BMPER: variants seen among roughly 807,000 people sequenced by gnomAD.
BMPER encodes the protein BMP binding endothelial regulator.
A neutral mutation model predicts 87.3 loss-of-function variants in BMPER; 45 were observed. The ratio of observed to expected loss-of-function variants is 0.52; its 90% CI spans 0.41 to 0.66. The LOEUF (loss-of-function observed/expected upper bound fraction) is 0.66, where lower values mean the gene tolerates loss of function less well. Among genes scored for constraint, BMPER ranks in the 30% least tolerant of loss-of-function variants. BMPER has a pLI of 0.00. For synonymous variants in BMPER, 326 were observed against 316.2 expected (o/e 1.03, Z -0.33); for missense variants, 784 against 867.5 (o/e 0.90, Z 1.21).
At chr7:33,922,735 T>C (rs1196155255) in intron 2 of BMPER, among the ~76,000 whole-genome samples, 1 of 152,140 alleles carries the variant, frequency 6.6e-6, no homozygotes, top group Non-Finnish European at 1.5e-5. Context: ...GTGATCTTGA[T>C]CAAAGGCTCA....
intron 13 of BMPER, among the ~76,000 whole-genome samples, chr7:34,090,618 G>A (rs1214509791): frequency 6.6e-6 from 1 of 152,164 alleles, no homozygotes; most frequent in Non-Finnish European, 1.5e-5. Context: ...GTCAAACTGG[G>A]GAAAGTTTTT....
chr7:34,061,133 T>C (rs1788425954), intron 10 of BMPER, among the ~76,000 whole-genome samples: 1 of 152,258 alleles, frequency 6.6e-6, no homozygotes, highest in African/African-American at 2.4e-5. Flanking sequence ...TATTAAATCC[T>C]TATCACTAAC....
At chr7:33,953,259 C>G (rs895292401) in intron 3 of BMPER, among the ~76,000 whole-genome samples, 7 of 152,198 alleles carry the variant, frequency 4.6e-5, no homozygotes, top group Non-Finnish European at 8.8e-5. Context: ...AAAGCCTGGC[C>G]TGGTTAATAT....
chr7:33,926,889 C>T (rs373799850), intron 2 of BMPER, among the ~76,000 whole-genome samples: 114 of 152,330 alleles, frequency 7.5e-4, no homozygotes, highest in African/African-American at 2.5e-3. Context: ...TTGGTACCAA[C>T]GTAAATATAG....
chr7:34,031,883 CATATATATATATATATATAT>C (rs757962483), intron 6 of BMPER, among the ~76,000 whole-genome samples: 30 of 53,070 alleles, frequency 5.7e-4, no homozygotes, highest in South Asian at 2.5e-3. Context: ...TTAATTTGAC[CATATATATATATATATATAT>C]ATATATATAT....
At chr7:33,956,497 C>G (rs1785150641) in intron 3 of BMPER, among the ~76,000 whole-genome samples, 1 of 152,046 alleles carries the variant, frequency 6.6e-6, no homozygotes, top group African/African-American at 2.4e-5. Flanking sequence ...CTCTGTGAGT[C>G]CACTCACATG....
chr7:34,143,246 A>T lies in BMPER; in HGVS notation c.1762A>T (p.Met588Leu), dbSNP rs1790919686. The change falls in exon 14 of 15, where the codon ATG becomes TTG. Residue 588 changes from methionine (M) to leucine (L), a missense_variant. Physicochemically the swap from Met to Leu is conservative, Grantham distance 15. Transcript: ENST00000649409. Reference sequence around the variant, plus strand: ...GTCCTATAGGTCCTGTGTGACAGACATGTGTGAATGTCCAGTCCATAAAAA... The same window carrying T: ...GTCCTATAGGTCCTGTGTGACAGACTTGTGTGAATGTCCAGTCCATAAAAA... ...ATFYRSCVTD[M>L]CECPVHKNCY... is the part of the protein sequence containing the mutation. The T allele has an allele frequency of 6.2e-7, 1 of 1,613,986 alleles. No individual in the cohort carries two copies. Among genetic ancestry groups the T allele is most frequent in the Non-Finnish European group, 8.5e-7 (1 of 1,179,922 alleles).
At chr7:34,138,335 G>A (rs929998398) in intron 13 of BMPER, among the ~76,000 whole-genome samples, 14 of 152,184 alleles carry the variant, frequency 9.2e-5, no homozygotes, top group Middle Eastern at 3.2e-3. Flanking sequence ...CGAGTGCTAT[G>A]AGGAACAGGG....
intron 14 of BMPER, among the ~76,000 whole-genome samples, chr7:34,144,628 C>G (rs187505402): frequency 1.3e-3 from 205 of 152,110 alleles, no homozygotes; most frequent in African/African-American, 4.7e-3. Context: ...TACCTGCTAT[C>G]TAGTTACAAA....
At position 33,974,806 on chromosome 7, in the gene BMPER, C is replaced by G. The variant is rs759598848; in HGVS notation, c.576+22C>G. ...CACTGTAAGTCCTGCTGTGGATGTTCCCAGGGTGTCCTTTGGGCAAAGCAC... is the reference window on the plus strand; with the variant it reads ...CACTGTAAGTCCTGCTGTGGATGTTGCCAGGGTGTCCTTTGGGCAAAGCAC... On this transcript the variant is annotated intron_variant, in intron 6 of 14. Transcript: ENST00000649409. 9 of 1,608,758 alleles carry G rather than the reference C, an allele frequency of 5.6e-6. No individual in the cohort carries two copies. The South Asian group carries it at 9.9e-5, about 18-fold the overall frequency.
intron 14 of BMPER, among the ~76,000 whole-genome samples, chr7:34,145,939 C>T (rs13243957): frequency 0.15 from 22,130 of 152,092 alleles, 2,077 homozygotes; most frequent in Non-Finnish European, 0.2. Context: ...ATTCCATTTA[C>T]CTGTTCTTAG....
At chr7:34,105,078 C>A (rs938381053) in intron 13 of BMPER, among the ~76,000 whole-genome samples, 1 of 152,118 alleles carries the variant, frequency 6.6e-6, no homozygotes, top group Non-Finnish European at 1.5e-5. Flanking sequence ...AGAGTAGGGT[C>A]TCTGGGGAGG....
In BMPER at chr7:34,145,450, A is replaced by G. The variant is rs537251183; in HGVS notation, c.1876+2090A>G. ...TCAGAGAAGTATTGATTCGATAAAA[A>G]TAATTCACTTAAGGTGTGGCTGAGG... On this transcript the variant is annotated intron_variant, in intron 14 of 14. Transcript: ENST00000649409. Among the ~76,000 whole-genome samples, 4 of 152,278 alleles carry G rather than the reference A, an allele frequency of 2.6e-5. No homozygotes were observed. The East Asian group carries it at 7.7e-4, about 29-fold the overall frequency.
intron 13 of BMPER, among the ~76,000 whole-genome samples, chr7:34,133,813 C>G (rs1790653039): frequency 6.6e-6 from 1 of 152,026 alleles, no homozygotes; most frequent in Non-Finnish European, 1.5e-5. Context: ...GGGAGAAGTC[C>G]CTACATGTTT....
At chr7:33,962,873 A>T (rs1785307248) in intron 3 of BMPER, among the ~76,000 whole-genome samples, 1 of 152,132 alleles carries the variant, frequency 6.6e-6, no homozygotes, top group Admixed American at 6.5e-5. Flanking sequence ...TCATCTAATT[A>T]TTCCAGTCAC....
At chr7:34,116,156 A>C (rs1033942774) in intron 13 of BMPER, among the ~76,000 whole-genome samples, 4 of 152,218 alleles carry the variant, frequency 2.6e-5, no homozygotes, top group African/African-American at 9.6e-5. Context: ...GAATGAGATA[A>C]AAAAATGGGG....
chr7:34,091,044 G>A (rs1222926693), intron 13 of BMPER, among the ~76,000 whole-genome samples: 3 of 152,202 alleles, frequency 2.0e-5, no homozygotes, highest in Non-Finnish European at 4.4e-5. Flanking sequence ...GGAGGTAGGA[G>A]GTGGGAGGTC....
chr7:34,013,990 T>C (rs951822458), intron 6 of BMPER, among the ~76,000 whole-genome samples: 4 of 152,044 alleles, frequency 2.6e-5, no homozygotes, highest in African/African-American at 9.6e-5. Flanking sequence ...TTAATAAATA[T>C]AGTTTTGTGG....
chr7:34,093,574 A>T (rs1353636849), intron 13 of BMPER, among the ~76,000 whole-genome samples: 1 of 152,214 alleles, frequency 6.6e-6, no homozygotes, highest in Non-Finnish European at 1.5e-5. Flanking sequence ...AGAGGGCAAG[A>T]CCAGACTCTC....
Sources: gnomAD v4.1 joint callset for allele counts (sites outside exome capture counted in the v4.1 genomes callset) on GRCh38, gnomAD v4.1.1 for gene constraint, MANE v1.5 for transcripts, NCBI Gene and HGNC (gene_info 2026-07-23, HGNC 2026-07-21) for gene names.